The following CENPP variants were observed in gnomAD, a reference collection of about 807,000 sequenced individuals.
CENPP encodes the protein centromere protein P.
Under a neutral mutation model 35.6 loss-of-function variants are expected in CENPP, and 24 were observed. That is an observed-to-expected ratio of 0.67 (90% CI 0.49 to 0.95). The LOEUF is 0.95. Among genes scored for constraint, CENPP ranks in the 40% least tolerant of loss-of-function variants. CENPP has a pLI of 0.00. For missense variants in CENPP, 332 were observed against 345.3 expected, an observed-to-expected ratio of 0.96 and a Z score of 0.31; for synonymous variants, 120 against 125.5, an observed-to-expected ratio of 0.96 and a Z score of 0.29.
chr9:92,504,688 C>T (rs1275304624), intron 5 of CENPP, among the ~76,000 whole-genome samples: 1 of 152,108 alleles, frequency 6.6e-6, no homozygotes, highest in Non-Finnish European at 1.5e-5. Flanking sequence ...GTGTGCACCA[C>T]CATGACTGGC....
intron 5 of CENPP, among the ~76,000 whole-genome samples, chr9:92,592,557 G>T (rs939661322): frequency 4.6e-5 from 7 of 152,248 alleles, no homozygotes; most frequent in Non-Finnish European, 1.0e-4. Flanking sequence ...TACTGTTCCT[G>T]GGTATTCCTC....
intron 5 of CENPP, among the ~76,000 whole-genome samples, chr9:92,498,337 A>G (rs1846477652): frequency 6.6e-6 from 1 of 152,192 alleles, no homozygotes; most frequent in Non-Finnish European, 1.5e-5. Flanking sequence ...ATTAGGAGGT[A>G]TACCTAATAT....
chr9:92,616,308 C>T lies in CENPP; in HGVS notation c.*3159C>T, dbSNP rs567366802. ...TGTCTGTGCCGGCTGTGTGCACCAGCGTGCAAAGCTTCCTCAGGCCAGTGC... is the reference window on the plus strand; with the variant it reads ...TGTCTGTGCCGGCTGTGTGCACCAGTGTGCAAAGCTTCCTCAGGCCAGTGC... On this transcript the variant is annotated 3_prime_UTR_variant, in exon 8 of 8. Coordinates refer to ENST00000375587, the MANE Select transcript of CENPP (RefSeq NM_001012267.3). 234 of 431,912 alleles carry T rather than the reference C, an allele frequency of 5.4e-4. 2 individuals are homozygous for T. In the South Asian group the frequency reaches 5.6e-3, roughly 10 times the overall value. 26.8% of individuals were successfully genotyped at this position (431,912 alleles called of 1,614,324 possible). A position where few individuals can be genotyped will look rare whatever the true frequency, so the allele number is the denominator to read the frequency against.
intron 5 of CENPP, among the ~76,000 whole-genome samples, chr9:92,565,474 G>A (rs1209499169): frequency 6.6e-6 from 1 of 152,134 alleles, no homozygotes; most frequent in Non-Finnish European, 1.5e-5. Context: ...GTCAATTTCA[G>A]CTCTTAACAA....
rs528108894 is a variant in CENPP at position 92,485,783 on chromosome 9, G to A, written c.564+105924G>A. Among the ~76,000 whole-genome samples, 9 of 152,136 alleles carry A rather than the reference G, an allele frequency of 5.9e-5. No homozygotes were observed. In the South Asian group the frequency reaches 6.2e-4, roughly 11 times the overall value. ...TGGGCTAAAGCAATCCTCCCATCTCGGCCCCCCAAAGTGCTGAGATTACAG... is the reference window on the plus strand; with the variant it reads ...TGGGCTAAAGCAATCCTCCCATCTCAGCCCCCCAAAGTGCTGAGATTACAG... On this transcript the variant is annotated intron_variant, in intron 5 of 7. Coordinates refer to ENST00000375587, the MANE Select transcript of CENPP (RefSeq NM_001012267.3).
chr9:92,602,717 G>A lies in CENPP; in HGVS notation c.565-8597G>A, dbSNP rs533432848. ...CCCTGTGTGTGTCCAGGGGCGAGGG[G>A]TACCATGTCTCAGCATGGCGCAACA... On this transcript the variant is annotated intron_variant, in intron 5 of 7. Transcript: ENST00000375587. Among the ~76,000 whole-genome samples the A allele has an allele frequency of 2.0e-5, 3 of 152,330 alleles. No individual in the cohort carries two copies. The South Asian group carries it at 6.2e-4, about 32-fold the overall frequency.
intron 5 of CENPP, among the ~76,000 whole-genome samples, chr9:92,584,807 A>C (rs1850504861): frequency 1.3e-5 from 2 of 152,164 alleles, no homozygotes; most frequent in Admixed American, 1.3e-4. Flanking sequence ...TTTCTCAATT[A>C]TTCTTCCATA....
intron 5 of CENPP, among the ~76,000 whole-genome samples, chr9:92,493,000 A>G (rs925366268): frequency 9.9e-5 from 15 of 152,222 alleles, no homozygotes; most frequent in Admixed American, 7.2e-4. Flanking sequence ...ACTGGTGCTC[A>G]GAAGGAAAAA....
chr9:92,545,889 C>A (rs1379703952), intron 5 of CENPP, among the ~76,000 whole-genome samples: 2 of 151,882 alleles, frequency 1.3e-5, no homozygotes, highest in Non-Finnish European at 2.9e-5. Flanking sequence ...TCTAGCTGAT[C>A]TGGTGGGGAC....
intron 5 of CENPP, among the ~76,000 whole-genome samples, chr9:92,446,978 A>G (rs185123141): frequency 1.6e-3 from 239 of 152,300 alleles, no homozygotes; most frequent in Admixed American, 2.6e-3. Context: ...GGTAAGATAA[A>G]GTAAACAGAG....
intron 5 of CENPP, among the ~76,000 whole-genome samples, chr9:92,435,039 G>A (rs112029543): frequency 2.6e-5 from 4 of 152,082 alleles, no homozygotes; most frequent in African/African-American, 7.2e-5. Flanking sequence ...ACAACAGAGC[G>A]AGACTCCATC....
rs763693210 is a variant in CENPP at position 92,514,694 on chromosome 9, T to A, written c.565-96620T>A. On this transcript the variant is annotated intron_variant, in intron 5 of 7. Coordinates refer to ENST00000375587, the MANE Select transcript of CENPP (RefSeq NM_001012267.3). ...GGTGGTATCTGGGTAAGCATGGCGT[T>A]GATGCAGCTGATGGTCCTGTAGGAC... 6.8e-6 allele frequency: 11 copies of A among 1,612,340 alleles called. No individual in the cohort carries two copies. In the Middle Eastern group the frequency reaches 4.9e-4, roughly 72 times the overall value.
chr9:92,422,343 C>G (rs1843833152), intron 5 of CENPP, among the ~76,000 whole-genome samples: 2 of 152,168 alleles, frequency 1.3e-5, no homozygotes, highest in African/African-American at 4.8e-5. Context: ...TGTGAGCCAC[C>G]TGCCTGGCTG....
chr9:92,601,856 T>C (rs1308821296), intron 5 of CENPP, among the ~76,000 whole-genome samples: 1 of 152,152 alleles, frequency 6.6e-6, no homozygotes, highest in Non-Finnish European at 1.5e-5. Flanking sequence ...GTTTTGAATA[T>C]GGGTGTGCAC....
chr9:92,402,633 C>T (rs1246916802), intron 5 of CENPP, among the ~76,000 whole-genome samples: 1 of 152,106 alleles, frequency 6.6e-6, no homozygotes, highest in East Asian at 1.9e-4. Context: ...AGTGTTAACT[C>T]AAAGACAGTT....
chr9:92,332,875 CTT>C (rs1399857353), intron 2 of CENPP, among the ~76,000 whole-genome samples: 4 of 142,866 alleles, frequency 2.8e-5, no homozygotes, highest in Non-Finnish European at 3.1e-5. Context: ...TTCTTTCTTT[CTT>C]TTTTTTTTTT....
chr9:92,349,309 T>G (rs1841383531), intron 4 of CENPP, among the ~76,000 whole-genome samples: 1 of 152,208 alleles, frequency 6.6e-6, no homozygotes. Flanking sequence ...TTCCCTTGTA[T>G]GAATGTACCA....
chr9:92,606,375 T>C (rs948967484), intron 5 of CENPP, among the ~76,000 whole-genome samples: 3 of 152,112 alleles, frequency 2.0e-5, no homozygotes, highest in African/African-American at 7.2e-5. Flanking sequence ...AGATACCAAC[T>C]CATGGCCAAA....
chr9:92,574,667 A>G (rs935039954), intron 5 of CENPP, among the ~76,000 whole-genome samples: 6 of 152,240 alleles, frequency 3.9e-5, no homozygotes, highest in South Asian at 2.1e-4. Context: ...TACAGATTCA[A>G]TGAAATCTCT....
Sources: allele counts gnomAD v4.1 joint callset (sites outside exome capture counted in the v4.1 genomes callset), GRCh38; gene constraint gnomAD v4.1.1; transcripts MANE v1.5; gene names NCBI Gene and HGNC (gene_info 2026-07-23, HGNC 2026-07-21).